Variants in ANK2 observed in about 807,000 individuals in gnomAD.
The protein encoded by ANK2 is ankyrin 2, also known as ankyrin-2.
Under a neutral mutation model 360.5 loss-of-function variants are expected in ANK2, and 83 were observed. That is an observed-to-expected ratio of 0.23 (90% confidence interval 0.19 to 0.28). The LOEUF is 0.28. Among genes scored for constraint, ANK2 ranks in the 10% least tolerant of loss-of-function variants. The pLI is 1.00. For missense variants in ANK2, 4,201 were observed against 4,795.7 expected (o/e 0.88, Z 3.66); for synonymous variants, 1,740 against 1,759.5 (o/e 0.99, Z 0.28).
intron 2 of ANK2, among the ~76,000 whole-genome samples, chr4:112,907,567 A>G (rs1366084530): frequency 6.6e-6 from 1 of 152,132 alleles, no homozygotes. Context: ...TCCATTGAAC[A>G]TTGTTTGAAA....
chr4:113,277,962 A>C lies in ANK2; in HGVS notation c.1782+27A>C, dbSNP rs867762762. The stretch of plus-strand genomic sequence containing the variant: ...TAAAGATTTTCTATACGTTATAATT[A>C]TGTAACAGTGAAGGTGATAGATTAG... On this transcript the variant is annotated intron_variant, in intron 16 of 45. Coordinates refer to ENST00000357077, the MANE Select transcript of ANK2 (RefSeq NM_001148.6). 3 of 1,580,502 alleles carry C rather than the reference A, an allele frequency of 1.9e-6. No homozygotes were observed. The Middle Eastern group carries it at 5.0e-4, about 263-fold the overall frequency.
At chr4:113,207,743 A>G (rs901704453) in intron 4 of ANK2, among the ~76,000 whole-genome samples, 3 of 151,952 alleles carry the variant, frequency 2.0e-5, no homozygotes, top group African/African-American at 2.4e-5. Flanking sequence ...AAACTTTCCA[A>G]TAGAAACTGA....
intron 2 of ANK2, among the ~76,000 whole-genome samples, chr4:112,926,508 A>G (rs1241829997): frequency 6.6e-6 from 1 of 152,194 alleles, no homozygotes; most frequent in Non-Finnish European, 1.5e-5. Context: ...TGAAATGGGC[A>G]GAAGAAATCA....
chr4:113,237,249 G>A (rs1049945999), intron 6 of ANK2, 77 bp downstream of exon 6: 15 of 1,504,012 alleles, frequency 1.0e-5, no homozygotes, highest in Non-Finnish European at 1.4e-5. Context: ...TAAAGAAGTA[G>A]GCCATGGTGA....
At chr4:112,851,765 A>G (rs574012343) in intron 1 of ANK2, among the ~76,000 whole-genome samples, 110 of 152,094 alleles carry the variant, frequency 7.2e-4, no homozygotes, top group African/African-American at 2.5e-3. Flanking sequence ...CTGGCACTAC[A>G]GGTGCATGCC....
Position 113,336,727 on chromosome 4 carries a change from T to C in ANK2, c.3742T>C (p.Leu1248=). 2.5e-6 allele frequency: 4 copies of C among 1,614,082 alleles called. No homozygotes were observed. Among genetic ancestry groups the C allele is most frequent in the Non-Finnish European group, 3.4e-6 (4 of 1,179,996 alleles). The stretch of plus-strand genomic sequence containing the variant: ...CCCCAAAGCTTCAAGTGATGTCATG[T>C]TGAATGGTTTTGGGGGAGATGCACC... ...PVPKASSDVM[L]NGFGGDAPTL... is the part of the protein sequence containing the mutation. Residue 1248 remains leucine, a synonymous_variant, in exon 31 of 46, where the codon TTG becomes CTG. Transcript: ENST00000357077.
At chr4:113,067,515 A>G (rs2076055963) in intron 1 of ANK2, among the ~76,000 whole-genome samples, 1 of 152,186 alleles carries the variant, frequency 6.6e-6, no homozygotes, top group Non-Finnish European at 1.5e-5. Context: ...TTTGAAGTGT[A>G]ACACTTGGGA....
intron 2 of ANK2, among the ~76,000 whole-genome samples, chr4:113,176,759 C>T (rs9761671): frequency 3.3e-4 from 50 of 152,148 alleles, no homozygotes; most frequent in African/African-American, 1.2e-3. Context: ...AGGTGTATCT[C>T]CTAACGCTAT....
intron 1 of ANK2, among the ~76,000 whole-genome samples, chr4:112,823,305 T>G (rs1372915983): frequency 6.6e-6 from 1 of 152,202 alleles, no homozygotes; most frequent in Admixed American, 6.5e-5. Flanking sequence ...CTGGTGGCTT[T>G]GAGTGGTTTC....
At chr4:112,991,078 C>T (rs940909446) in intron 2 of ANK2, among the ~76,000 whole-genome samples, 3 of 151,924 alleles carry the variant, frequency 2.0e-5, no homozygotes, top group South Asian at 2.1e-4. Flanking sequence ...GGTGAAACCC[C>T]GTCTCTACTA....
intron 10 of ANK2, 84 bp downstream of exon 10, chr4:113,249,946 A>G: frequency 8.0e-7 from 1 of 1,248,442 alleles, no homozygotes; most frequent in South Asian, 1.3e-5. Flanking sequence ...AAATTGAAAC[A>G]TCAGGCAAGC....
chr4:113,229,618 G>A (rs1037532097), intron 4 of ANK2, among the ~76,000 whole-genome samples: 5 of 152,200 alleles, frequency 3.3e-5, no homozygotes, highest in Admixed American at 2.0e-4. Context: ...CAAGGAAGAA[G>A]TGTGAGTGAG....
intron 45 of ANK2, among the ~76,000 whole-genome samples, chr4:113,378,856 T>C (rs2097062562): frequency 1.3e-5 from 2 of 151,828 alleles, no homozygotes; most frequent in Admixed American, 6.6e-5. Flanking sequence ...ACAGATCTAC[T>C]CTGGCTTCTC....
intron 1 of ANK2, among the ~76,000 whole-genome samples, chr4:113,096,877 A>G (rs536886648): frequency 6.6e-6 from 1 of 151,940 alleles, no homozygotes; most frequent in Non-Finnish European, 1.5e-5. Context: ...ACCAGTCCAC[A>G]CAATTTGTCT....
chr4:112,705,763 A>G, the ANK2 span, among the ~76,000 whole-genome samples: 1 of 152,232 alleles, frequency 6.6e-6, no homozygotes, highest in African/African-American at 2.4e-5. Flanking sequence ...GGCAGCGGCT[A>G]GGGAAGCAGC....
At chr4:112,874,058 A>G (rs1220506604) in intron 1 of ANK2, among the ~76,000 whole-genome samples, 1 of 151,038 alleles carries the variant, frequency 6.6e-6, no homozygotes, top group African/African-American at 2.4e-5. Flanking sequence ...CAATTCACAC[A>G]CACAAAAGCT....
At chr4:112,970,319 T>C (rs763744660) in intron 2 of ANK2, among the ~76,000 whole-genome samples, 8 of 152,028 alleles carry the variant, frequency 5.3e-5, no homozygotes, top group Non-Finnish European at 7.4e-5. Context: ...GTCACATACA[T>C]GCTCATATAT....
intron 13 of ANK2, among the ~76,000 whole-genome samples, chr4:113,260,097 T>C (rs1397843380): frequency 6.6e-6 from 1 of 152,176 alleles, no homozygotes; most frequent in Admixed American, 6.5e-5. Flanking sequence ...TGCAATCCCC[T>C]GAATTAATCT....
At chr4:112,770,045 C>G in the ANK2 span, among the ~76,000 whole-genome samples, 1 of 152,170 alleles carries the variant, frequency 6.6e-6, no homozygotes, top group Non-Finnish European at 1.5e-5. Context: ...CTTCCTCTTT[C>G]TCTTTATATG....
Sources: allele counts gnomAD v4.1 joint callset (sites outside exome capture counted in the v4.1 genomes callset), GRCh38; gene constraint gnomAD v4.1.1; transcripts MANE v1.5; gene names NCBI Gene and HGNC (gene_info 2026-07-23, HGNC 2026-07-21).